The following RPL35A variants were observed in gnomAD, a reference collection of about 807,000 sequenced individuals.
The protein encoded by RPL35A is large ribosomal subunit protein eL33.
A neutral mutation model predicts 16.7 loss-of-function variants in RPL35A; 1 was observed. The ratio of observed to expected loss-of-function variants is 0.06; its 90% CI spans 0.02 to 0.28. The LOEUF is 0.28. Among genes scored for constraint, RPL35A ranks in the 10% least tolerant of loss-of-function variants. The pLI is 1.00. For missense variants in RPL35A, 91 were observed against 138.7 expected (o/e 0.66, Z 1.73); for synonymous variants, 58 against 47.0 (o/e 1.23, Z -0.96).
chr3:197,953,921 G>C (rs1720324728), intron 3 of RPL35A, 82 bp from the exon 4 acceptor site: 2 of 1,446,496 alleles, frequency 1.4e-6, no homozygotes, highest in Middle Eastern at 2.4e-4. Flanking sequence ...CCAGGGTTGA[G>C]AGCCACTCGT....
Position 197,950,220 on chromosome 3 carries a change from A to T in RPL35A, c.-34A>T. On this transcript the variant is annotated splice_region_variant and 5_prime_UTR_variant, in exon 1 of 5. Coordinates refer to ENST00000647248, the MANE Select transcript of RPL35A (RefSeq NM_000996.4). Reference sequence around the variant, plus strand: ...CTTACCGCCATCTTGGCTCCTGTGGAGGTGAGTGAAGGGTCTGCTGCTGAA... The same window carrying T: ...CTTACCGCCATCTTGGCTCCTGTGGTGGTGAGTGAAGGGTCTGCTGCTGAA... 1 of 1,231,192 alleles carries T rather than the reference A, an allele frequency of 8.1e-7. No homozygotes were observed. Among genetic ancestry groups the T allele is most frequent in the African/African-American group, 1.6e-5 (1 of 64,510 alleles). The allele number at this position is 1,231,192 out of a possible 1,614,324, so 76.3% of individuals were successfully genotyped here.
intron 4 of RPL35A, 49 bp from the exon 5 acceptor site, chr3:197,955,701 A>T (rs775606367): frequency 6.9e-7 from 1 of 1,454,876 alleles, no homozygotes; most frequent in Non-Finnish European, 9.6e-7. Context: ...TGATTTGTAG[A>T]CGTATATATA....
At chr3:197,954,624 C>T (rs61215870) in intron 4 of RPL35A, among the ~76,000 whole-genome samples, 40,884 of 152,138 alleles carry the variant, frequency 0.27, 8,153 homozygotes, top group African/African-American at 0.57. Flanking sequence ...ATTCTTGTGC[C>T]TCAGCCTCCC....
chr3:197,953,993 T>C lies in RPL35A; in HGVS notation c.165-10T>C, dbSNP rs1156922810. Reference sequence around the variant, plus strand: ...GCTTGTATTCCTCTTCTTTCCCTTTTTAAAATCAGCAACACAGTCACTCCT... The same window carrying C: ...GCTTGTATTCCTCTTCTTTCCCTTTCTAAAATCAGCAACACAGTCACTCCT... On this transcript the variant is annotated splice_polypyrimidine_tract_variant and intron_variant, in intron 3 of 4. Coordinates refer to ENST00000647248, the MANE Select transcript of RPL35A (RefSeq NM_000996.4). 5 of 1,612,142 alleles carry C rather than the reference T, an allele frequency of 3.1e-6. No homozygotes were observed. Among genetic ancestry groups the C allele is most frequent in the Non-Finnish European group, 4.2e-6 (5 of 1,179,844 alleles).
intron 3 of RPL35A, chr3:197,953,592 C>T (rs944125730): frequency 3.1e-5 from 14 of 456,388 alleles, no homozygotes; most frequent in African/African-American, 6.2e-5. Flanking sequence ...CATGGCATTT[C>T]CCCTCCCTTT....
intron 3 of RPL35A, chr3:197,953,509 C>G: frequency 4.4e-6 from 2 of 456,522 alleles, no homozygotes; most frequent in Non-Finnish European, 8.8e-6. Flanking sequence ...CCCTTGGTGT[C>G]TTCAGTCTTT....
chr3:197,952,219 GAGTGC>G (rs1296847592), intron 3 of RPL35A, among the ~76,000 whole-genome samples: 1 of 133,934 alleles, frequency 7.5e-6, no homozygotes. Flanking sequence ...ACCTAGGCTG[GAGTGC>G]AGTAGCACAA....
intron 1 of RPL35A, 192 bp from the exon 2 acceptor site, chr3:197,950,744 C>G: frequency 1.7e-6 from 1 of 603,860 alleles, no homozygotes; most frequent in South Asian, 2.1e-5. Context: ...TGCTTAGATA[C>G]CAGCTGTTCT....
At position 197,951,249 on chromosome 3, in the gene RPL35A, C is replaced by T. The variant is rs1720052705; in HGVS notation, c.102C>T (p.Tyr34=). ...CTCTTCTTAAAATTGAAGGTGTTTA[C>T]GCCCGAGATGAAACAGAATTCTATT... ...HTALLKIEGV[Y]ARDETEFYLG... is the part of the protein sequence containing the mutation. The change falls in exon 3 of 5, where the codon TAC becomes TAT. Residue 34 remains tyrosine, a synonymous_variant. Transcript: ENST00000647248. 1 of 1,614,136 alleles carries T rather than the reference C, an allele frequency of 6.2e-7. No individual in the cohort carries two copies. The highest frequency in any genetic ancestry group is 8.5e-7 in the Non-Finnish European group (1 of 1,179,990).
chr3:197,950,558 T>C lies in RPL35A; in HGVS notation c.-33+337T>C, dbSNP rs1454015037. ...TTCCTTGGCTTGTCTGACCAGTCTC[T>C]TTCCTCAGCTTTTCTCCCCCAGCCA... On this transcript the variant is annotated intron_variant, in intron 1 of 4. Coordinates refer to ENST00000647248, the MANE Select transcript of RPL35A (RefSeq NM_000996.4). 1.8e-5 allele frequency: 6 copies of C among 329,512 alleles called. No homozygotes were observed. The East Asian group carries it at 3.1e-4, about 17-fold the overall frequency. 20.4% of individuals were successfully genotyped at this position (329,512 alleles called of 1,614,324 possible). A position where few individuals can be genotyped will look rare whatever the true frequency, so the allele number is the denominator to read the frequency against.
chr3:197,952,328 CCTGT>C (rs1371927764), intron 3 of RPL35A, among the ~76,000 whole-genome samples: 1 of 151,674 alleles, frequency 6.6e-6, no homozygotes, highest in Non-Finnish European at 1.5e-5. Flanking sequence ...CGCCACCATG[CCTGT>C]CTAATTTTTG....
chr3:197,955,024 C>G (rs1198279254), intron 4 of RPL35A, among the ~76,000 whole-genome samples: 6 of 152,136 alleles, frequency 3.9e-5, no homozygotes, highest in African/African-American at 1.2e-4. Context: ...GCCTTGGACT[C>G]TAAATTTTTC....
chr3:197,950,555 C>G (rs776700453), intron 1 of RPL35A: 15 of 328,278 alleles, frequency 4.6e-5, no homozygotes, highest in Non-Finnish European at 8.3e-5. Flanking sequence ...TCTGACCAGT[C>G]TCTTTCCTCA....
At chr3:197,951,637 G>A (rs1720098272) in intron 3 of RPL35A, 2 of 350,150 alleles carry the variant, frequency 5.7e-6, no homozygotes, top group Non-Finnish European at 1.1e-5. Flanking sequence ...ACAGGCTTGA[G>A]CCACCGCGCC....
Position 197,952,162 on chromosome 3 carries a change from GTTTTTTTTTTTTTTTTTT to G in RPL35A, c.164+860_164+877del, listed in dbSNP as rs1161903755. Among the ~76,000 whole-genome samples the G allele has an allele frequency of 3.6e-5, 3 of 83,888 alleles. No individual in the cohort carries two copies. In the Admixed American group the frequency reaches 4.1e-4, roughly 11 times the overall value. The allele number at this position is 83,888 out of a possible 152,430, so 55.0% of individuals were successfully genotyped here. ...TTTTGTTAATGCCTTAAAATTATGGGTTTTTTTTTTTTTTTTTTTTTTTTTTGGAGACGGAGTCTCACT... is the reference window on the plus strand; with the variant it reads ...TTTTGTTAATGCCTTAAAATTATGGGTTTTTTTTGGAGACGGAGTCTCACT... On this transcript the variant is annotated intron_variant, in intron 3 of 4. Transcript: ENST00000647248.
intron 3 of RPL35A, among the ~76,000 whole-genome samples, chr3:197,952,162 GTTTTTTTTTTTTTTT>G (rs1161903755): frequency 2.4e-5 from 2 of 83,860 alleles, no homozygotes; most frequent in South Asian, 4.7e-4. Flanking sequence ...AAAATTATGG[GTTTTTTTTTTTTTTT>G]TTTTTTTTTT....
chr3:197,955,650 T>G, intron 4 of RPL35A, 100 bp from the exon 5 acceptor site: 1 of 1,057,688 alleles, frequency 9.5e-7, no homozygotes, highest in Admixed American at 1.7e-5. Flanking sequence ...CTAGAACATG[T>G]AATTGGTAGC....
At position 197,953,493 on chromosome 3, in the gene RPL35A, ATTAACCCCTTGGTGTCTTCAGTC is replaced by A. The variant is rs566029776; in HGVS notation, c.165-507_165-485del. 3.3e-4 allele frequency: 152 copies of A among 456,610 alleles called. 9 individuals are homozygous for A. Among genetic ancestry groups the A allele is most frequent in the South Asian group, 2.3e-3 (146 of 64,322 alleles). The allele number at this position is 456,610 out of a possible 1,614,324, so 28.3% of individuals were successfully genotyped here. A position where few individuals can be genotyped will look rare whatever the true frequency, so the allele number is the denominator to read the frequency against. The stretch of plus-strand genomic sequence containing the variant: ...CATAATTCTCTTTATCTCAGCTGGG[ATTAACCCCTTGGTGTCTTCAGTC>A]TTTCTTCCGGCCAGGACACACACTC... On this transcript the variant is annotated intron_variant, in intron 3 of 4. Transcript: ENST00000647248.
rs1179052151 is a variant in RPL35A, at chr3:197,950,229, A to G, written c.-33+8A>G. 2.4e-6 allele frequency: 3 copies of G among 1,230,974 alleles called. No individual in the cohort carries two copies. Among genetic ancestry groups the G allele is most frequent in the Admixed American group, 8.4e-5 (2 of 23,692 alleles). 76.3% of individuals were successfully genotyped at this position (1,230,974 alleles called of 1,614,324 possible). A position where few individuals can be genotyped will look rare whatever the true frequency, so the allele number is the denominator to read the frequency against. ...ATCTTGGCTCCTGTGGAGGTGAGTG[A>G]AGGGTCTGCTGCTGAAATTTGGGGG... On this transcript the variant is annotated splice_region_variant and intron_variant, in intron 1 of 4. Coordinates refer to ENST00000647248, the MANE Select transcript of RPL35A (RefSeq NM_000996.4).
Sources: gnomAD v4.1 joint callset for allele counts (sites outside exome capture counted in the v4.1 genomes callset) on GRCh38, gnomAD v4.1.1 for gene constraint, MANE v1.5 for transcripts, NCBI Gene and HGNC (gene_info 2026-07-23, HGNC 2026-07-21) for gene names.